The following SV2C variants were observed in gnomAD, a reference collection of about 807,000 sequenced individuals.
The protein encoded by SV2C is synaptic vesicle glycoprotein 2C.
SV2C carries 49 observed loss-of-function variants against 79.7 expected under a neutral mutation model. The observed-to-expected ratio is 0.61, with a 90% confidence interval of 0.49 to 0.78. SV2C has a LOEUF of 0.78. Among genes scored for constraint, SV2C ranks in the 30% least tolerant of loss-of-function variants. The pLI is 0.00. For missense variants in SV2C, 833 were observed against 912.9 expected (o/e 0.91, Z 1.13); for synonymous variants, 334 against 333.2 (o/e 1.00, Z -0.03).
intron 2 of SV2C, among the ~76,000 whole-genome samples, chr5:76,191,984 A>G (rs1744118392): frequency 6.6e-6 from 1 of 152,204 alleles, no homozygotes; most frequent in African/African-American, 2.4e-5. Flanking sequence ...GGAGGTGAGC[A>G]GCTTCTAATT....
At chr5:76,112,913 A>G (rs1165938505) in intron 1 of SV2C, among the ~76,000 whole-genome samples, 1 of 152,224 alleles carries the variant, frequency 6.6e-6, no homozygotes, top group Non-Finnish European at 1.5e-5. Context: ...GACACAAAAA[A>G]GCTAAAGAAA....
the SV2C span, among the ~76,000 whole-genome samples, chr5:75,896,157 C>T: frequency 6.6e-6 from 1 of 151,744 alleles, no homozygotes; most frequent in South Asian, 2.1e-4. Context: ...TGGTGTGCTG[C>T]ACCCATTAAC....
the SV2C span, among the ~76,000 whole-genome samples, chr5:76,073,129 T>C: frequency 6.6e-6 from 1 of 152,176 alleles, no homozygotes; most frequent in African/African-American, 2.4e-5. Context: ...TTTTGTTGCA[T>C]TTGTGCTCGG....
chr5:75,972,830 A>G, the SV2C span, among the ~76,000 whole-genome samples: 1 of 152,016 alleles, frequency 6.6e-6, no homozygotes, highest in Non-Finnish European at 1.5e-5. Context: ...TTACTGGGTA[A>G]ACACCCAAAG....
intron 1 of SV2C, among the ~76,000 whole-genome samples, chr5:76,114,635 A>G (rs1411269516): frequency 1.3e-5 from 2 of 152,262 alleles, no homozygotes; most frequent in East Asian, 3.8e-4. Flanking sequence ...AGACAGGCAG[A>G]CAAGTAGACA....
At chr5:75,891,230 CTG>C in the SV2C span, among the ~76,000 whole-genome samples, 3 of 152,098 alleles carry the variant, frequency 2.0e-5, no homozygotes, top group African/African-American at 7.2e-5. Context: ...CTGGGATTAA[CTG>C]TGTCTGCAGA....
At chr5:76,274,684 C>CTTTT (rs11415755) in intron 4 of SV2C, among the ~76,000 whole-genome samples, 7 of 139,616 alleles carry the variant, frequency 5.0e-5, no homozygotes, top group Admixed American at 7.2e-5. Flanking sequence ...TTTTCTCCTT[C>CTTTT]TTTTTTTTTT....
Position 76,285,711 on chromosome 5 carries a change from C to CGGCT in SV2C, c.1048-69_1048-66dup, listed in dbSNP as rs1747333182. On this transcript the variant is annotated intron_variant, in intron 5 of 12. Transcript: ENST00000502798. ...CCTCATTTGATCTGACAATGCAAGA[C>CGGCT]GGCTATTGGAAAATCAGGGAGGGTA... 4.6e-6 allele frequency: 6 copies of CGGCT among 1,296,190 alleles called. No individual in the cohort carries two copies. The East Asian group carries it at 1.4e-4, about 30-fold the overall frequency. 80.3% of individuals were successfully genotyped at this position (1,296,190 alleles called of 1,614,324 possible).
At chr5:76,130,983 A>T (rs1408999617) in intron 1 of SV2C, among the ~76,000 whole-genome samples, 1 of 152,204 alleles carries the variant, frequency 6.6e-6, no homozygotes, top group Non-Finnish European at 1.5e-5. Context: ...TTCAATATCA[A>T]ATGCAGCCAT....
intron 2 of SV2C, among the ~76,000 whole-genome samples, chr5:76,157,039 G>GA (rs1007301242): frequency 2.6e-5 from 4 of 151,994 alleles, no homozygotes; most frequent in Admixed American, 2.6e-4. Flanking sequence ...AAATGTATTG[G>GA]AAAAATATTA....
intron 2 of SV2C, among the ~76,000 whole-genome samples, chr5:76,168,080 C>T (rs1435202133): frequency 6.6e-6 from 1 of 152,136 alleles, no homozygotes; most frequent in Non-Finnish European, 1.5e-5. Context: ...TATAAATGCA[C>T]AAGTCTCCAA....
chr5:75,885,465 G>T, the SV2C span, among the ~76,000 whole-genome samples: 58 of 152,242 alleles, frequency 3.8e-4, no homozygotes, highest in Admixed American at 3.5e-3. Context: ...TAAGCTGAGG[G>T]TTTCTCAGCT....
chr5:76,004,295 C>T, the SV2C span, among the ~76,000 whole-genome samples: 2 of 152,286 alleles, frequency 1.3e-5, no homozygotes, highest in African/African-American at 4.8e-5. Context: ...CAGTACATTT[C>T]TTATCTTGGC....
chr5:75,973,183 G>A, the SV2C span, among the ~76,000 whole-genome samples: 1 of 151,922 alleles, frequency 6.6e-6, no homozygotes, highest in African/African-American at 2.4e-5. Flanking sequence ...TTGTGGGGTG[G>A]GGAAGGGGGG....
chr5:76,234,623 C>G (rs73766729), intron 4 of SV2C, among the ~76,000 whole-genome samples: 10,771 of 152,264 alleles, frequency 0.071, 1,223 homozygotes, highest in African/African-American at 0.24. Context: ...TGGTTGCCCA[C>G]AGAATCACTG....
At chr5:75,911,498 G>A in the SV2C span, 2 of 775,382 alleles carry the variant, frequency 2.6e-6, no homozygotes, top group Non-Finnish European at 4.3e-6. Flanking sequence ...GCCTCTGGAG[G>A]GGGTTCAACC....
chr5:76,301,268 C>A, intron 11 of SV2C, 118 bp from the exon 12 acceptor site: 2 of 1,349,946 alleles, frequency 1.5e-6, no homozygotes, highest in Non-Finnish European at 1.0e-6. Flanking sequence ...CTTTATGGAG[C>A]CCATCCTGCA....
At chr5:76,018,369 C>T in the SV2C span, among the ~76,000 whole-genome samples, 2 of 152,052 alleles carry the variant, frequency 1.3e-5, no homozygotes, top group South Asian at 2.1e-4. Flanking sequence ...ATCATAATCA[C>T]GGGCCTTTGT....
At chr5:76,165,442 G>A (rs1172897441) in intron 2 of SV2C, among the ~76,000 whole-genome samples, 1 of 151,900 alleles carries the variant, frequency 6.6e-6, no homozygotes, top group Admixed American at 6.6e-5. Flanking sequence ...GTACAACCAG[G>A]GTCCAGATTG....
Sources: allele counts gnomAD v4.1 joint callset (sites outside exome capture counted in the v4.1 genomes callset), GRCh38; gene constraint gnomAD v4.1.1; transcripts MANE v1.5; gene names NCBI Gene and HGNC (gene_info 2026-07-23, HGNC 2026-07-21).